MYCBP2: variants seen among roughly 807,000 people sequenced by gnomAD.
The protein encoded by MYCBP2 is E3 ubiquitin-protein ligase MYCBP2.
MYCBP2 carries 120 observed loss-of-function variants against 525.3 expected under a neutral mutation model. The observed-to-expected ratio is 0.23, with a 90% confidence interval of 0.20 to 0.27. MYCBP2 has a LOEUF of 0.27. Ranked by LOEUF, MYCBP2 falls within the 10% of genes least tolerant of loss-of-function variation. MYCBP2 has a pLI of 1.00. For missense variants in MYCBP2, 4,149 were observed against 5,657.1 expected, an observed-to-expected ratio of 0.73 and a Z score of 8.55; for synonymous variants, 1,894 against 1,955.8, an observed-to-expected ratio of 0.97 and a Z score of 0.83.
chr13:77,304,351 T>C (rs2079143098), intron 1 of MYCBP2, among the ~76,000 whole-genome samples: 1 of 152,156 alleles, frequency 6.6e-6, no homozygotes, highest in African/African-American at 2.4e-5. Context: ...CTGGAGGACA[T>C]TATCTTAAGT....
At chr13:77,235,794 T>C (rs1410160230) in intron 17 of MYCBP2, among the ~76,000 whole-genome samples, 1 of 151,686 alleles carries the variant, frequency 6.6e-6, no homozygotes, top group Non-Finnish European at 1.5e-5. Flanking sequence ...GAGGAGAAGC[T>C]AACAAAACTT....
chr13:77,089,785 G>A (rs1472021661), intron 60 of MYCBP2, among the ~76,000 whole-genome samples: 1 of 151,918 alleles, frequency 6.6e-6, no homozygotes, highest in Non-Finnish European at 1.5e-5. Flanking sequence ...TACGTCATTG[G>A]AACTCCTGGT....
intron 79 of MYCBP2, among the ~76,000 whole-genome samples, chr13:77,056,384 A>G (rs751125583): frequency 6.6e-6 from 1 of 152,114 alleles, no homozygotes; most frequent in Non-Finnish European, 1.5e-5. Flanking sequence ...AGATAAGAAA[A>G]TAGGGAGAGC....
intron 3 of MYCBP2, among the ~76,000 whole-genome samples, 169 bp from the exon 4 acceptor site, chr13:77,279,080 A>C (rs963421400): frequency 6.6e-6 from 1 of 152,224 alleles, no homozygotes; most frequent in East Asian, 1.9e-4. Flanking sequence ...TAGAGACTAG[A>C]TTGCATTCAC....
intron 3 of MYCBP2, among the ~76,000 whole-genome samples, chr13:77,282,535 CA>C (rs2076307233): frequency 6.6e-6 from 1 of 152,124 alleles, no homozygotes; most frequent in African/African-American, 2.4e-5. Flanking sequence ...GAGAACTTTT[CA>C]AAACTTTTCA....
chr13:77,064,294 C>T (rs1486506036), intron 73 of MYCBP2, among the ~76,000 whole-genome samples: 1 of 152,234 alleles, frequency 6.6e-6, no homozygotes, highest in African/African-American at 2.4e-5. Context: ...TGGCACTAAA[C>T]TTACTGTGGT....
chr13:77,325,645 T>C (rs921062159), intron 1 of MYCBP2, among the ~76,000 whole-genome samples: 3 of 152,240 alleles, frequency 2.0e-5, no homozygotes, highest in East Asian at 1.9e-4. Context: ...TGTCATATTC[T>C]GAAGTTCTGC....
chr13:77,076,920 A>ATAT (rs2042407750), intron 67 of MYCBP2, 71 bp from the exon 68 acceptor site: 1 of 1,241,444 alleles, frequency 8.1e-7, no homozygotes, highest in South Asian at 1.3e-5. Context: ...AGGACTCATT[A>ATAT]GCTGATTCCG....
chr13:77,087,582 T>C lies in MYCBP2; in HGVS notation c.10777A>G (p.Ile3593Val). ...NVIQTTSLHD[I>V]LWHFVASLTP... ...AGTGATGCCACAAAATGCCACAGAA[T>C]ATCATGGAGAGAAGTGGTTTGGATG... The change falls in exon 62 of 83, where the codon ATT becomes GTT. Residue 3593 changes from isoleucine to valine, a missense_variant. Transcript: ENST00000544440. 2 of 1,613,270 alleles carry C rather than the reference T, an allele frequency of 1.2e-6. No homozygotes were observed. Among genetic ancestry groups the C allele is most frequent in the South Asian group, 1.1e-5 (1 of 91,036 alleles).
In MYCBP2 at chr13:77,316,546, A is replaced by G. The variant is rs74826208; in HGVS notation, c.302+9928T>C. Among the ~76,000 whole-genome samples, 100 of 152,316 alleles carry G rather than the reference A, an allele frequency of 6.6e-4. 1 individual carries two copies. The East Asian group carries it at 0.015, about 23-fold the overall frequency. Reference sequence around the variant, plus strand: ...ATTCACTATATTTCGCCTATTATACAATTAGGATTCACTTGCTTCAAATAA... The same window carrying G: ...ATTCACTATATTTCGCCTATTATACGATTAGGATTCACTTGCTTCAAATAA... On this transcript the variant is annotated intron_variant, in intron 1 of 82. Transcript: ENST00000544440.
chr13:77,111,429 T>C (rs1217108784), intron 55 of MYCBP2, among the ~76,000 whole-genome samples: 2 of 151,210 alleles, frequency 1.3e-5, no homozygotes, highest in African/African-American at 2.4e-5. Context: ...AATCAGCATG[T>C]CACTTCCTTT....
At chr13:77,263,607 T>C (rs1267199380) in intron 10 of MYCBP2, 44 bp downstream of exon 10, 2 of 1,540,744 alleles carry the variant, frequency 1.3e-6, no homozygotes, top group Admixed American at 3.6e-5. Context: ...GTATGAAAAA[T>C]TGAAAATTAA....
chr13:77,186,192 A>C, intron 30 of MYCBP2, 129 bp from the exon 31 acceptor site: 1 of 613,462 alleles, frequency 1.6e-6, no homozygotes, highest in East Asian at 3.1e-5. Context: ...TTTTTAATTG[A>C]ATTTTTTTTA....
intron 57 of MYCBP2, 140 bp downstream of exon 57, chr13:77,096,172 T>C (rs926608627): frequency 1.0e-4 from 88 of 875,172 alleles, no homozygotes; most frequent in Non-Finnish European, 1.0e-4. Flanking sequence ...AATATTAAAT[T>C]TGTATATGAT....
chr13:77,133,385 A>G (rs1594803437), intron 52 of MYCBP2, among the ~76,000 whole-genome samples: 1 of 152,230 alleles, frequency 6.6e-6, no homozygotes, highest in Non-Finnish European at 1.5e-5. Context: ...ACTAAAATTA[A>G]GCATCCACAA....
chr13:77,139,955 T>C, intron 51 of MYCBP2, 92 bp downstream of exon 51: 1 of 743,102 alleles, frequency 1.3e-6, no homozygotes, highest in South Asian at 2.3e-5. Flanking sequence ...TAAAACATAT[T>C]CTGACAAAAA....
In MYCBP2 at chr13:77,150,718, A is replaced by G. The variant is rs769674452; in HGVS notation, c.7131+16T>C. On this transcript the variant is annotated intron_variant, in intron 47 of 82. Coordinates refer to ENST00000544440, the MANE Select transcript of MYCBP2 (RefSeq NM_015057.5). ...TGCTGAAAACTAAAATTTTTCTGAT[A>G]AGTAAAATAAATTACCTTCATCATT... is the stretch of plus-strand genomic sequence containing the variant. 1 of 1,599,944 alleles carries G rather than the reference A, an allele frequency of 6.3e-7. No homozygotes were observed. The highest frequency in any genetic ancestry group is 1.1e-5 in the South Asian group (1 of 89,364).
chr13:77,267,727 C>T, intron 8 of MYCBP2, 114 bp downstream of exon 8: 2 of 798,830 alleles, frequency 2.5e-6, no homozygotes, highest in Non-Finnish European at 4.2e-6. Flanking sequence ...ATTTTTAAAA[C>T]CCTTTTATAA....
intron 58 of MYCBP2, among the ~76,000 whole-genome samples, chr13:77,094,586 G>A (rs556228335): frequency 3.9e-5 from 6 of 152,248 alleles, no homozygotes; most frequent in South Asian, 2.1e-4. Context: ...ATTTCCTCCA[G>A]TAGCCAGTCC....
Sources: allele counts gnomAD v4.1 joint callset (sites outside exome capture counted in the v4.1 genomes callset), GRCh38; gene constraint gnomAD v4.1.1; transcripts MANE v1.5; gene names NCBI Gene and HGNC (gene_info 2026-07-23, HGNC 2026-07-21).